PTPRG: variants seen among roughly 807,000 people sequenced by gnomAD.
The protein encoded by PTPRG is receptor-type tyrosine-protein phosphatase gamma.
PTPRG carries 102 observed loss-of-function variants against 165.3 expected under a neutral mutation model. That is an observed-to-expected ratio of 0.62 (90% CI 0.53 to 0.73). The LOEUF is 0.73. PTPRG is among the 30% of genes least tolerant of loss of function. The pLI is 0.00. For missense variants in PTPRG, 1,866 were observed against 1,861.4 expected (o/e 1.00, Z -0.05); for synonymous variants, 675 against 669.5 (o/e 1.01, Z -0.13).
intron 5 of PTPRG, among the ~76,000 whole-genome samples, chr3:62,115,761 T>C (rs903030764): frequency 6.6e-6 from 1 of 152,036 alleles, no homozygotes; most frequent in Non-Finnish European, 1.5e-5. Context: ...GGTCTTGAAC[T>C]CCTGGGCTCA....
At chr3:61,815,486 A>G (rs1189838285) in intron 2 of PTPRG, among the ~76,000 whole-genome samples, 1 of 152,190 alleles carries the variant, frequency 6.6e-6, no homozygotes, top group Non-Finnish European at 1.5e-5. Context: ...TTTCCAATGC[A>G]GTCTTAGAGA....
chr3:61,699,936 T>A (rs1215273945), intron 1 of PTPRG, among the ~76,000 whole-genome samples: 2 of 152,180 alleles, frequency 1.3e-5, no homozygotes. Flanking sequence ...GCTTTTGAAA[T>A]AAGTTTTCTA....
At chr3:62,079,666 C>G (rs1402320232) in intron 5 of PTPRG, among the ~76,000 whole-genome samples, 4 of 152,188 alleles carry the variant, frequency 2.6e-5, no homozygotes, top group Non-Finnish European at 5.9e-5. Context: ...CAACACATCT[C>G]TTTTTCCTCA....
chr3:62,214,403 T>A lies in PTPRG; in HGVS notation c.2156-4448T>A, dbSNP rs1052546753. Among the ~76,000 whole-genome samples, 1 of 152,160 alleles carries A rather than the reference T, an allele frequency of 6.6e-6. No homozygotes were observed. The highest frequency in any genetic ancestry group is 2.4e-5 in the African/African-American group (1 of 41,430). On this transcript the variant is annotated intron_variant, in intron 12 of 29. Transcript: ENST00000474889. The surrounding 1 kb of genome is among the most constrained non-coding windows in gnomAD (Gnocchi z 5.2). ...CAGGTGCCAGGCAACATTCTAAGTGTTTTGTATGCATTAACTCATTTAATC... is the reference window on the plus strand; with the variant it reads ...CAGGTGCCAGGCAACATTCTAAGTGATTTGTATGCATTAACTCATTTAATC...
At chr3:61,765,304 GA>G (rs1301500300) in intron 2 of PTPRG, among the ~76,000 whole-genome samples, 1 of 152,330 alleles carries the variant, frequency 6.6e-6, no homozygotes, top group East Asian at 1.9e-4. Context: ...TGGTCGTGGT[GA>G]AAAGCCTACC....
At chr3:61,736,951 A>G (rs1299485799) in intron 1 of PTPRG, among the ~76,000 whole-genome samples, 9 of 152,164 alleles carry the variant, frequency 5.9e-5, no homozygotes, top group African/African-American at 2.2e-4. Flanking sequence ...TTGGTTCTTC[A>G]TTGCCTTCTT....
intron 4 of PTPRG, among the ~76,000 whole-genome samples, chr3:62,010,617 G>A (rs1205612980): frequency 1.3e-5 from 2 of 151,626 alleles, no homozygotes; most frequent in African/African-American, 4.8e-5. Context: ...GGAGTTCAAG[G>A]CCAGCCTGGG....
intron 2 of PTPRG, among the ~76,000 whole-genome samples, chr3:61,841,553 G>C (rs1172124858): frequency 6.6e-6 from 1 of 152,180 alleles, no homozygotes; most frequent in African/African-American, 2.4e-5. Flanking sequence ...GGTCAAACAA[G>C]ATGTGATTAA....
chr3:62,204,881 A>G (rs534784299), intron 12 of PTPRG, among the ~76,000 whole-genome samples: 1 of 152,196 alleles, frequency 6.6e-6, no homozygotes, highest in Non-Finnish European at 1.5e-5. Flanking sequence ...CAAGGGAGCC[A>G]TAAGCATGAG....
intron 1 of PTPRG, chr3:61,743,131 A>T: frequency 8.2e-7 from 1 of 1,220,074 alleles, no homozygotes; most frequent in Non-Finnish European, 1.2e-6. Flanking sequence ...CGCTAACCGG[A>T]AAAGAGCGGG....
intron 2 of PTPRG, among the ~76,000 whole-genome samples, chr3:61,847,886 C>T (rs766601719): frequency 2.6e-5 from 4 of 152,250 alleles, no homozygotes; most frequent in Non-Finnish European, 5.9e-5. Flanking sequence ...GATTCTGCTT[C>T]CACTGTTAAA....
At chr3:61,976,093 C>T (rs569465444) in intron 2 of PTPRG, among the ~76,000 whole-genome samples, 1 of 152,292 alleles carries the variant, frequency 6.6e-6, no homozygotes, top group South Asian at 2.1e-4. Context: ...AACATTACTA[C>T]ATTTTCAAGT....
At chr3:61,949,061 A>G (rs2039833925) in intron 2 of PTPRG, among the ~76,000 whole-genome samples, 1 of 150,916 alleles carries the variant, frequency 6.6e-6, no homozygotes, top group Non-Finnish European at 1.5e-5. Context: ...AAAAAAAGCC[A>G]TGGGACCTTA....
chr3:61,827,586 G>A (rs6766330), intron 2 of PTPRG, among the ~76,000 whole-genome samples: 36,610 of 151,978 alleles, frequency 0.24, 4,585 homozygotes, highest in East Asian at 0.3. Flanking sequence ...GCCCCTGGCT[G>A]TAGTCATATT....
intron 1 of PTPRG, among the ~76,000 whole-genome samples, chr3:61,692,102 T>C (rs1195647731): frequency 6.6e-6 from 1 of 152,276 alleles, no homozygotes; most frequent in East Asian, 1.9e-4. Flanking sequence ...AATTTTCTTC[T>C]GCTCCTACGC....
At chr3:61,658,903 C>A (rs1342412927) in intron 1 of PTPRG, among the ~76,000 whole-genome samples, 1 of 152,160 alleles carries the variant, frequency 6.6e-6, no homozygotes, top group Admixed American at 6.6e-5. Context: ...GGCCACCATG[C>A]CCTTGGAACT....
intron 4 of PTPRG, among the ~76,000 whole-genome samples, chr3:62,021,857 CTTTTTTTTT>C (rs398062374): frequency 1.5e-4 from 15 of 97,110 alleles, no homozygotes; most frequent in Middle Eastern, 7.5e-3. Flanking sequence ...TTTTCCTTTT[CTTTTTTTTT>C]TTTTTTTTTT....
intron 26 of PTPRG, among the ~76,000 whole-genome samples, chr3:62,279,111 A>C (rs1033621601): frequency 6.6e-6 from 1 of 152,026 alleles, no homozygotes; most frequent in East Asian, 1.9e-4. Context: ...TCATCATTGC[A>C]CAGTTTTTCC....
At chr3:62,037,299 A>G (rs1699977856) in intron 4 of PTPRG, among the ~76,000 whole-genome samples, 1 of 152,156 alleles carries the variant, frequency 6.6e-6, no homozygotes, top group Admixed American at 6.5e-5. Flanking sequence ...GGTTGGTGGA[A>G]CTTGTCTCTT....
Sources: gnomAD v4.1 joint callset for allele counts (sites outside exome capture counted in the v4.1 genomes callset) on GRCh38, gnomAD v4.1.1 for gene constraint, Gnocchi (gnomAD v3.1) non-coding constraint, MANE v1.5 for transcripts, NCBI Gene and HGNC (gene_info 2026-07-23, HGNC 2026-07-21) for gene names.